SPACA1: variants seen among roughly 807,000 people sequenced by gnomAD.
The protein encoded by SPACA1 is sperm acrosome membrane-associated protein 1.
A neutral mutation model predicts 32.6 loss-of-function variants in SPACA1; 17 were observed. The observed-to-expected ratio is 0.52, with a 90% confidence interval of 0.36 to 0.78. SPACA1 has a LOEUF of 0.78. Among genes scored for constraint, SPACA1 ranks in the 30% least tolerant of loss-of-function variants. The pLI is 0.01. For synonymous variants in SPACA1, 140 were observed against 138.1 expected (o/e 1.01, Z -0.10); for missense variants, 363 against 373.4 (o/e 0.97, Z 0.23).
At chr6:88,065,140 T>C (rs1775959316) in intron 6 of SPACA1, among the ~76,000 whole-genome samples, 1 of 148,672 alleles carries the variant, frequency 6.7e-6, no homozygotes, top group African/African-American at 2.4e-5. Context: ...ATTTCTACCA[T>C]GTATACACAC....
In SPACA1 at chr6:88,064,107, A is replaced by G. The variant is rs370479658; in HGVS notation, c.619A>G (p.Met207Val). The G allele has an allele frequency of 6.2e-7, 1 of 1,613,216 alleles. No homozygotes were observed. The highest frequency in any genetic ancestry group is 8.5e-7 in the Non-Finnish European group (1 of 1,179,566). ...TTGTGTGTTTTCTCTAGAATTGCAGATGAGAAGATCAAGCCTACCAGCCAC... is the reference window on the plus strand; with the variant it reads ...TTGTGTGTTTTCTCTAGAATTGCAGGTGAGAAGATCAAGCCTACCAGCCAC... ...FTVYTSSELQ[M>V]RRSSLPATDA... Residue 207 changes from methionine to valine, a missense_variant, in exon 6 of 7, where the codon ATG becomes GTG. Transcript: ENST00000237201.
At chr6:88,047,679 GC>G, upstream of SPACA1, 1 of 513,530 alleles carries the variant, frequency 1.9e-6, no homozygotes, top group Non-Finnish European at 3.4e-6. Flanking sequence ...CTTGTCGCAC[GC>G]GGCTTCTCGT....
Position 88,057,595 on chromosome 6 carries a change from T to C in SPACA1, c.266-17T>C. On this transcript the variant is annotated splice_polypyrimidine_tract_variant and intron_variant, in intron 2 of 6. Coordinates refer to ENST00000237201, the MANE Select transcript of SPACA1 (RefSeq NM_030960.3). ...GTTTTTTTCTTAACATTTGCCTTTT[T>C]AAATTTTAAACCAAAGGTATTGGTG... 1 of 1,595,626 alleles carries C rather than the reference T, an allele frequency of 6.3e-7. No homozygotes were observed. Among genetic ancestry groups the C allele is most frequent in the South Asian group, 1.1e-5 (1 of 90,526 alleles).
Position 88,047,960 on chromosome 6 carries a change from C to G in SPACA1, c.55C>G (p.Leu19Val), listed in dbSNP as rs1775666756. The G allele has an allele frequency of 1.3e-6, 2 of 1,570,926 alleles. No homozygotes were observed. Among genetic ancestry groups the G allele is most frequent in the African/African-American group, 2.7e-5 (2 of 74,332 alleles). The change falls in exon 1 of 7, where the codon CTG becomes GTG. Residue 19 changes from leucine (L) to valine (V), a missense_variant. Coordinates refer to ENST00000237201, the MANE Select transcript of SPACA1 (RefSeq NM_030960.3). ...CGGGCTGCTGATGACTGTCGGCTGG[C>G]TGCTTCTGGCGGGCCTCCAGTCCGC... The part of the protein sequence containing the change: ...SAGLLMTVGW[L>V]LLAGLQSARG...
intron 6 of SPACA1, 150 bp downstream of exon 6, chr6:88,064,369 T>C (rs1775945990): frequency 3.1e-6 from 2 of 638,926 alleles, no homozygotes; most frequent in East Asian, 3.1e-5. Flanking sequence ...GTGACTGCCC[T>C]AGTTCAGGCT....
chr6:88,066,268 C>A lies in SPACA1; in HGVS notation c.818C>A (p.Thr273Asn). The stretch of plus-strand genomic sequence containing the variant: ...AGTTCTGTGAGATACAAAGATTCAA[C>A]TTCTCTTGACCAATTACCAACAGAA... ...EQSSVRYKDS[T>N]SLDQLPTEMP... The change falls in exon 7 of 7, where the codon ACT (threonine) becomes AAT (asparagine). Residue 273 changes from threonine to asparagine, a missense_variant. Physicochemically the swap from Thr to Asn is moderately conservative, Grantham distance 65. Coordinates refer to ENST00000237201, the MANE Select transcript of SPACA1 (RefSeq NM_030960.3). 1 of 1,612,740 alleles carries A rather than the reference C, an allele frequency of 6.2e-7. No homozygotes were observed. The highest frequency in any genetic ancestry group is 1.3e-5 in the African/African-American group (1 of 75,020).
chr6:88,064,084 G>A lies in SPACA1; in HGVS notation c.611-15G>A. ...CTCAGTAGTAATACTCCTTAGGTTT[G>A]TGTGTTTTCTCTAGAATTGCAGATG... On this transcript the variant is annotated splice_polypyrimidine_tract_variant and intron_variant, in intron 5 of 6. Coordinates refer to ENST00000237201, the MANE Select transcript of SPACA1 (RefSeq NM_030960.3). 1 of 1,610,898 alleles carries A rather than the reference G, an allele frequency of 6.2e-7. No homozygotes were observed. Among genetic ancestry groups the A allele is most frequent in the African/African-American group, 1.3e-5 (1 of 74,762 alleles).
chr6:88,047,112 T>C (rs1337275663), upstream of SPACA1, among the ~76,000 whole-genome samples: 1 of 152,208 alleles, frequency 6.6e-6, no homozygotes, highest in Non-Finnish European at 1.5e-5. Flanking sequence ...TTTTCAGCGC[T>C]TGAACTCCCA....
intron 1 of SPACA1, among the ~76,000 whole-genome samples, chr6:88,051,508 T>C (rs1400903864): frequency 6.6e-6 from 1 of 152,248 alleles, no homozygotes; most frequent in African/African-American, 2.4e-5. Context: ...TTTCAGGATC[T>C]GGCCACAACT....
rs1375793426 is a variant in SPACA1 at position 88,066,226 on chromosome 6, A to T, written c.776A>T (p.Glu259Val). Reference protein sequence around the residue: ...AFWGAKASTPEVQSEQSSVRY... With the variant: ...AFWGAKASTPVVQSEQSSVRY... ...TGGGGGGCAAAAGCCTCTACACCTGAGGTACAATCCGAGCAGAGTTCTGTG... is the reference window on the plus strand; with the variant it reads ...TGGGGGGCAAAAGCCTCTACACCTGTGGTACAATCCGAGCAGAGTTCTGTG... Residue 259 changes from glutamate to valine, a missense_variant, in exon 7 of 7, where the codon GAG becomes GTG. Glu to Val is a moderately radical substitution (Grantham distance 121). Transcript: ENST00000237201. 2 of 1,611,394 alleles carry T rather than the reference A, an allele frequency of 1.2e-6. No individual in the cohort carries two copies. The highest frequency in any genetic ancestry group is 1.7e-6 in the Non-Finnish European group (2 of 1,178,308).
intron 6 of SPACA1, among the ~76,000 whole-genome samples, chr6:88,065,588 C>G (rs1371149585): frequency 2.7e-5 from 4 of 150,456 alleles, no homozygotes; most frequent in Non-Finnish European, 5.9e-5. Context: ...AATGAATTGT[C>G]TGGAAAATGA....
At chr6:88,063,150 C>T (rs183937409) in intron 5 of SPACA1, among the ~76,000 whole-genome samples, 347 of 152,282 alleles carry the variant, frequency 2.3e-3, no homozygotes, top group African/African-American at 7.7e-3. Flanking sequence ...AGAAAGTTCT[C>T]ATGGTTTCTT....
chr6:88,056,585 T>G (rs1158053981), intron 2 of SPACA1, among the ~76,000 whole-genome samples: 2 of 152,144 alleles, frequency 1.3e-5, no homozygotes, highest in African/African-American at 4.8e-5. Context: ...AAATTTGCAT[T>G]TTAGTAAATC....
In SPACA1 at chr6:88,066,557, C is replaced by T; in HGVS notation, c.*222C>T. The T allele has an allele frequency of 1.0e-5, 3 of 299,946 alleles. No individual in the cohort carries two copies. Among genetic ancestry groups the T allele is most frequent in the East Asian group, 5.9e-5 (1 of 16,962 alleles). 18.6% of individuals were successfully genotyped at this position (299,946 alleles called of 1,614,324 possible). ...TCTCAACACTTATTTCAGGTAATAGCTTGGGGATATTTATCTAAAGGTACC... is the reference window on the plus strand; with the variant it reads ...TCTCAACACTTATTTCAGGTAATAGTTTGGGGATATTTATCTAAAGGTACC... On this transcript the variant is annotated 3_prime_UTR_variant, in exon 7 of 7. Transcript: ENST00000237201.
intron 1 of SPACA1, among the ~76,000 whole-genome samples, chr6:88,052,835 G>T (rs778129965): frequency 6.6e-6 from 1 of 151,778 alleles, no homozygotes; most frequent in Non-Finnish European, 1.5e-5. Flanking sequence ...AGACTCTCTC[G>T]GAAAAACAAA....
chr6:88,063,880 A>G lies in SPACA1; in HGVS notation c.611-219A>G, dbSNP rs558006325. ...TTAAAATATTAATGGTAGTATTTAG[A>G]TGGTGGTAATACAGGCTGTTCGTTG... On this transcript the variant is annotated intron_variant, in intron 5 of 6. Transcript: ENST00000237201. 3.9e-5 allele frequency among the ~76,000 whole-genome samples: 6 copies of G among 152,300 alleles called. No individual in the cohort carries two copies. In the South Asian group the frequency reaches 1.2e-3, roughly 32 times the overall value.
At chr6:88,058,031 C>T (rs1274568192) in intron 3 of SPACA1, among the ~76,000 whole-genome samples, 2 of 152,146 alleles carry the variant, frequency 1.3e-5, no homozygotes, top group Non-Finnish European at 2.9e-5. Context: ...GTCATTTTGT[C>T]AGTAGATTGG....
chr6:88,060,932 C>G (rs1183138404), intron 5 of SPACA1, among the ~76,000 whole-genome samples: 1 of 152,202 alleles, frequency 6.6e-6, no homozygotes, highest in Admixed American at 6.5e-5. Context: ...TAACTTCTCT[C>G]TCTCATAGCA....
chr6:88,050,427 A>G (rs753218851), intron 1 of SPACA1, among the ~76,000 whole-genome samples: 2 of 152,244 alleles, frequency 1.3e-5, no homozygotes, highest in Non-Finnish European at 2.9e-5. Flanking sequence ...CATCATCATC[A>G]TTAGCATCCA....
Sources: gnomAD v4.1 joint callset for allele counts (sites outside exome capture counted in the v4.1 genomes callset) on GRCh38, gnomAD v4.1.1 for gene constraint, MANE v1.5 for transcripts, NCBI Gene and HGNC (gene_info 2026-07-23, HGNC 2026-07-21) for gene names.